The following PRKCQ variants were observed in gnomAD, a reference collection of about 807,000 sequenced individuals.
PRKCQ encodes protein kinase C theta type.
PRKCQ carries 41 observed loss-of-function variants against 91.2 expected under a neutral mutation model. That is an observed-to-expected ratio of 0.45 (90% CI 0.35 to 0.58). PRKCQ has a LOEUF of 0.58. PRKCQ is among the 20% of genes least tolerant of loss of function. The pLI is 0.00. For synonymous variants in PRKCQ, 307 were observed against 316.9 expected (o/e 0.97, Z 0.33); for missense variants, 673 against 896.5 (o/e 0.75, Z 3.18).
downstream of PRKCQ, among the ~76,000 whole-genome samples, chr10:6,422,269 C>T (rs1270028152): frequency 6.6e-6 from 1 of 152,194 alleles, no homozygotes; most frequent in Non-Finnish European, 1.5e-5. Flanking sequence ...GCTTGTGAGG[C>T]TAGCACTATT....
At chr10:6,495,366 T>A (rs1377380094) in intron 7 of PRKCQ, among the ~76,000 whole-genome samples, 3 of 152,162 alleles carry the variant, frequency 2.0e-5, no homozygotes, top group Non-Finnish European at 4.4e-5. Context: ...CTGGTCCCAT[T>A]TCAGTTCCTG....
At chr10:6,452,594 A>T (rs960725681) in intron 15 of PRKCQ, among the ~76,000 whole-genome samples, 1 of 149,802 alleles carries the variant, frequency 6.7e-6, no homozygotes, top group African/African-American at 2.5e-5. Context: ...TATGGAACCA[A>T]AAAAGAACCC....
At chr10:6,542,416 C>T (rs140187122) in intron 1 of PRKCQ, among the ~76,000 whole-genome samples, 3 of 152,312 alleles carry the variant, frequency 2.0e-5, no homozygotes, top group East Asian at 1.9e-4. Context: ...AACCTGCATA[C>T]AGTAAATACT....
At chr10:6,564,038 T>C (rs1840738071) in intron 1 of PRKCQ, among the ~76,000 whole-genome samples, 1 of 152,020 alleles carries the variant, frequency 6.6e-6, no homozygotes, top group South Asian at 2.1e-4. Context: ...GGTGCAGAGC[T>C]GTAAAATGCA....
intron 1 of PRKCQ, among the ~76,000 whole-genome samples, chr10:6,547,340 T>A (rs1840001355): frequency 6.6e-6 from 1 of 151,546 alleles, no homozygotes; most frequent in Non-Finnish European, 1.5e-5. Context: ...GCCATCCCCA[T>A]CAAGCTACCA....
chr10:6,552,213 T>C (rs1260051880), intron 1 of PRKCQ, among the ~76,000 whole-genome samples: 1 of 152,218 alleles, frequency 6.6e-6, no homozygotes, highest in Non-Finnish European at 1.5e-5. Flanking sequence ...TTCAAGTGTA[T>C]TATAAAGTGT....
the PRKCQ span, among the ~76,000 whole-genome samples, chr10:6,419,687 T>A: frequency 1.0e-4 from 1 of 9,760 alleles, no homozygotes; most frequent in East Asian, 0.025. Flanking sequence ...GAAATCTCCT[T>A]TTTTTTTTTT....
downstream of PRKCQ, among the ~76,000 whole-genome samples, chr10:6,423,346 T>C (rs1828013152): frequency 6.6e-6 from 1 of 152,078 alleles, no homozygotes; most frequent in Admixed American, 6.5e-5. Context: ...TCTCTTTGGG[T>C]TCCGGACTTA....
intron 15 of PRKCQ, among the ~76,000 whole-genome samples, chr10:6,449,505 C>G (rs1325778603): frequency 1.3e-5 from 2 of 152,154 alleles, no homozygotes; most frequent in Non-Finnish European, 2.9e-5. Flanking sequence ...TTGGAAAACA[C>G]TCTGCAGGAT....
chr10:6,465,478 A>G lies in PRKCQ; in HGVS notation c.1354-1074T>C, dbSNP rs1449940571. On this transcript the variant is annotated intron_variant, in intron 12 of 17. Coordinates refer to ENST00000263125, the MANE Select transcript of PRKCQ (RefSeq NM_006257.5). The surrounding 1 kb of genome is among the most constrained non-coding windows in gnomAD (Gnocchi z 4.4). ...ATGATGTGAGACAATTTTTTTTTCC[A>G]ATAAATGTATTTATAACACTTTAGA... Among the ~76,000 whole-genome samples, 2 of 152,150 alleles carry G rather than the reference A, an allele frequency of 1.3e-5. No individual in the cohort carries two copies. Among genetic ancestry groups the G allele is most frequent in the African/African-American group, 2.4e-5 (1 of 41,436 alleles).
At chr10:6,503,880 G>T (rs564345669) in intron 4 of PRKCQ, among the ~76,000 whole-genome samples, 2 of 152,266 alleles carry the variant, frequency 1.3e-5, no homozygotes, top group Admixed American at 1.3e-4. Context: ...GGGCTCAAGT[G>T]ATCCTCCTGC....
chr10:6,433,069 C>T (rs991978564), intron 16 of PRKCQ, among the ~76,000 whole-genome samples: 3 of 152,200 alleles, frequency 2.0e-5, no homozygotes, highest in Non-Finnish European at 4.4e-5. Flanking sequence ...TCACATCACT[C>T]ATGATTCTTA....
chr10:6,562,628 T>G (rs1045028753), intron 1 of PRKCQ, among the ~76,000 whole-genome samples: 1 of 152,150 alleles, frequency 6.6e-6, no homozygotes, highest in Non-Finnish European at 1.5e-5. Context: ...CAATGTCAGG[T>G]AGTATTTTTA....
intron 1 of PRKCQ, among the ~76,000 whole-genome samples, chr10:6,524,094 T>C (rs1042562152): frequency 6.6e-6 from 1 of 152,186 alleles, no homozygotes; most frequent in South Asian, 2.1e-4. Flanking sequence ...AGCTCTGCCA[T>C]CTCCACCCAA....
At chr10:6,475,737 A>G (rs1836233680) in intron 12 of PRKCQ, among the ~76,000 whole-genome samples, 1 of 152,250 alleles carries the variant, frequency 6.6e-6, no homozygotes, top group Non-Finnish European at 1.5e-5. Context: ...TCACGTATCA[A>G]TCGTTGCCTT....
chr10:6,489,958 G>A (rs867337970), intron 8 of PRKCQ, among the ~76,000 whole-genome samples: 5 of 151,986 alleles, frequency 3.3e-5, no homozygotes, highest in East Asian at 1.9e-4. Flanking sequence ...CAGAGAACCC[G>A]ACCTGAGACC....
intron 1 of PRKCQ, among the ~76,000 whole-genome samples, chr10:6,552,597 T>C (rs1476688880): frequency 6.6e-6 from 1 of 152,072 alleles, no homozygotes; most frequent in Admixed American, 6.6e-5. Flanking sequence ...CCCAACTAGT[T>C]ACACTGCAGG....
intron 15 of PRKCQ, among the ~76,000 whole-genome samples, chr10:6,451,484 A>G (rs893665140): frequency 1.3e-5 from 2 of 152,220 alleles, no homozygotes; most frequent in African/African-American, 4.8e-5. Flanking sequence ...CCACAGCCGA[A>G]TTCTACCAGA....
At chr10:6,455,630 T>G (rs994936650) in intron 15 of PRKCQ, among the ~76,000 whole-genome samples, 2 of 152,202 alleles carry the variant, frequency 1.3e-5, no homozygotes, top group East Asian at 3.9e-4. Context: ...ATTAGCACCT[T>G]AATATGCCAA....
Sources: gnomAD v4.1 joint callset for allele counts (sites outside exome capture counted in the v4.1 genomes callset) on GRCh38, gnomAD v4.1.1 for gene constraint, Gnocchi (gnomAD v3.1) non-coding constraint, MANE v1.5 for transcripts, NCBI Gene and HGNC (gene_info 2026-07-23, HGNC 2026-07-21) for gene names.